RANBP2: variants seen among roughly 807,000 people sequenced by gnomAD.
RANBP2 encodes E3 SUMO-protein ligase RanBP2.
In RANBP2, 57 loss-of-function variants were observed where a neutral mutation model predicts 303.6. That is an observed-to-expected ratio of 0.19 (90% confidence interval 0.15 to 0.23). RANBP2 has a LOEUF of 0.23. RANBP2 is among the 10% of genes least tolerant of loss of function. The pLI, the probability that RANBP2 is intolerant of heterozygous loss-of-function variation, is 1.00. For synonymous variants in RANBP2, 1,167 were observed against 1,301.5 expected, an observed-to-expected ratio of 0.90 and a Z score of 2.23; for missense variants, 3,138 against 3,780.8, an observed-to-expected ratio of 0.83 and a Z score of 4.46.
chr2:109,190,411 C>T, the RANBP2 span, among the ~76,000 whole-genome samples: 1 of 152,184 alleles, frequency 6.6e-6, no homozygotes, highest in Admixed American at 6.5e-5. Context: ...TGACCTCAGG[C>T]GATCCACCCG....
intron 17 of RANBP2, among the ~76,000 whole-genome samples, chr2:108,757,609 G>A (rs1460223496): frequency 6.6e-6 from 1 of 152,160 alleles, no homozygotes; most frequent in African/African-American, 2.4e-5. Context: ...TTTTGTTTCA[G>A]CATGGGGTTA....
the RANBP2 span, among the ~76,000 whole-genome samples, chr2:109,693,707 G>A: frequency 3.3e-5 from 5 of 152,226 alleles, no homozygotes; most frequent in Non-Finnish European, 5.9e-5. Context: ...AATTACCCAT[G>A]TCAGGTATGT....
the RANBP2 span, among the ~76,000 whole-genome samples, chr2:109,353,021 C>T: frequency 6.6e-6 from 1 of 152,260 alleles, no homozygotes. Context: ...CTGGCCGCTG[C>T]AGCTGCCCCA....
At chr2:108,815,369 A>G in the RANBP2 span, among the ~76,000 whole-genome samples, 447 of 151,882 alleles carry the variant, frequency 2.9e-3, 2 homozygotes, top group African/African-American at 0.01. Context: ...GTAATAAGGT[A>G]CAGTTATTCC....
the RANBP2 span, among the ~76,000 whole-genome samples, chr2:108,865,742 C>T: frequency 2.0e-5 from 3 of 152,154 alleles, no homozygotes. Flanking sequence ...ACACACGGTA[C>T]TCCCCTATCC....
At chr2:109,078,116 ATAGC>A in the RANBP2 span, among the ~76,000 whole-genome samples, 1 of 76,260 alleles carries the variant, frequency 1.3e-5, no homozygotes, top group Non-Finnish European at 2.5e-5. Flanking sequence ...ATATATATAT[ATAGC>A]GTGTATATAT....
the RANBP2 span, among the ~76,000 whole-genome samples, chr2:108,842,172 C>T: frequency 2.0e-5 from 3 of 151,218 alleles, no homozygotes; most frequent in South Asian, 2.1e-4. Flanking sequence ...GGATTACAGA[C>T]GTTCGCCACC....
chr2:109,483,103 G>A, the RANBP2 span, among the ~76,000 whole-genome samples: 1 of 152,008 alleles, frequency 6.6e-6, no homozygotes, highest in Non-Finnish European at 1.5e-5. Context: ...AAACCCTCCT[G>A]TGCTCTTCCA....
chr2:108,955,693 G>A, the RANBP2 span, among the ~76,000 whole-genome samples: 7 of 150,650 alleles, frequency 4.6e-5, no homozygotes, highest in Non-Finnish European at 1.0e-4. Context: ...GCGACAGAGT[G>A]AGACTCTGTC....
chr2:108,986,758 A>G, the RANBP2 span, among the ~76,000 whole-genome samples: 1 of 152,198 alleles, frequency 6.6e-6, no homozygotes, highest in African/African-American at 2.4e-5. Context: ...TTTATTTTTT[A>G]GGAAAATAGT....
At chr2:109,662,097 C>T in the RANBP2 span, among the ~76,000 whole-genome samples, 1 of 152,180 alleles carries the variant, frequency 6.6e-6, no homozygotes, top group Non-Finnish European at 1.5e-5. Context: ...CCATTTCTGC[C>T]ACATGCAGGA....
At chr2:109,473,075 G>A in the RANBP2 span, among the ~76,000 whole-genome samples, 4 of 152,198 alleles carry the variant, frequency 2.6e-5, no homozygotes, top group African/African-American at 9.7e-5. Context: ...TTTCAGATGC[G>A]AGTCCCAAGA....
At chr2:109,013,010 G>A in the RANBP2 span, among the ~76,000 whole-genome samples, 1 of 152,180 alleles carries the variant, frequency 6.6e-6, no homozygotes, top group Admixed American at 6.5e-5. Context: ...TCTTTAAAGG[G>A]CCGAGTAGGG....
At chr2:109,732,834 C>A in the RANBP2 span, 1 of 1,296,504 alleles carries the variant, frequency 7.7e-7, no homozygotes, top group Non-Finnish European at 1.1e-6. Flanking sequence ...AGAAACCCTC[C>A]TGGCTTTGCT....
chr2:108,873,322 TTAAG>T, the RANBP2 span: 4 of 854,228 alleles, frequency 4.7e-6, no homozygotes, highest in Non-Finnish European at 6.5e-6. Flanking sequence ...ACTCAAAAAT[TTAAG>T]TATGAAAAGA....
At chr2:109,615,158 G>T in the RANBP2 span, 2 of 1,549,234 alleles carry the variant, frequency 1.3e-6, no homozygotes, top group Non-Finnish European at 8.7e-7. Flanking sequence ...TGTGTCCCGG[G>T]GGCAGCAGCC....
intron 21 of RANBP2, 107 bp from the exon 22 acceptor site, chr2:108,772,382 G>A: frequency 2.5e-6 from 2 of 815,444 alleles, no homozygotes; most frequent in Non-Finnish European, 4.1e-6. Context: ...AAAATTGGCT[G>A]CAATTCAGAT....
the RANBP2 span, among the ~76,000 whole-genome samples, chr2:109,442,786 G>A: frequency 1.6e-4 from 24 of 152,112 alleles, no homozygotes; most frequent in Non-Finnish European, 4.4e-5. Context: ...ATTAACAGAA[G>A]GGAAAAGAAA....
At chr2:109,421,719 T>C in the RANBP2 span, among the ~76,000 whole-genome samples, 204 of 152,314 alleles carry the variant, frequency 1.3e-3, no homozygotes, top group African/African-American at 4.6e-3. Flanking sequence ...GGGAAACTTA[T>C]GTGTCGGACA....
Sources: gnomAD v4.1 joint callset for allele counts (sites outside exome capture counted in the v4.1 genomes callset) on GRCh38, gnomAD v4.1.1 for gene constraint, MANE v1.5 for transcripts, NCBI Gene and HGNC (gene_info 2026-07-23, HGNC 2026-07-21) for gene names.